The following ARHGAP23 variants were observed in gnomAD, a reference collection of about 807,000 sequenced individuals.
ARHGAP23 encodes the protein Rho GTPase activating protein 23.
Under a neutral mutation model 136.3 loss-of-function variants are expected in ARHGAP23, and 34 were observed. The observed-to-expected ratio is 0.25, with a 90% CI of 0.19 to 0.33. The LOEUF (loss-of-function observed/expected upper bound fraction) is 0.33, where lower values mean the gene tolerates loss of function less well. Ranked by LOEUF, ARHGAP23 falls within the 10% of genes least tolerant of loss-of-function variation. The pLI is 1.00. For missense variants in ARHGAP23, 1,808 were observed against 2,139.0 expected, an observed-to-expected ratio of 0.85 and a Z score of 3.05; for synonymous variants, 832 against 920.5, an observed-to-expected ratio of 0.90 and a Z score of 1.74.
rs1246840458 is a variant in ARHGAP23, at chr17:38,511,651, C to G, written c.*679C>G. 1 of 152,232 alleles carries G rather than the reference C, an allele frequency of 6.6e-6. No individual in the cohort carries two copies. The highest frequency in any genetic ancestry group is 1.5e-5 in the Non-Finnish European group (1 of 68,108). 9.4% of individuals were successfully genotyped at this position (152,232 alleles called of 1,614,324 possible). A position where few individuals can be genotyped will look rare whatever the true frequency, so the allele number is the denominator to read the frequency against. ...ATTCCAAGGAGGCAGGACTGAAACC[C>G]TCACCAGGGTTACTCCCCAACATCC... On this transcript the variant is annotated 3_prime_UTR_variant, in exon 24 of 24. Coordinates refer to ENST00000622683, the MANE Select transcript of ARHGAP23 (RefSeq NM_001199417.2).
rs11658074 is a variant in ARHGAP23, at chr17:38,493,742, C to T, written c.3276+2210C>T. On this transcript the variant is annotated intron_variant, in intron 20 of 23. Transcript: ENST00000622683. ...AGACCAGTCTTCAGGTCGGAAAGAG[C>T]GTGGCAACTGAGGGGTAAAGAGGAA... is the stretch of plus-strand genomic sequence containing the variant. Among the ~76,000 whole-genome samples, 112 of 152,184 alleles carry T rather than the reference C, an allele frequency of 7.4e-4. 1 individual carries two copies. The highest frequency in any genetic ancestry group is 6.8e-3 in the Middle Eastern group (2 of 292).
chr17:38,437,142 T>C (rs1217643435), intron 1 of ARHGAP23, among the ~76,000 whole-genome samples: 3 of 151,700 alleles, frequency 2.0e-5, no homozygotes, highest in Non-Finnish European at 4.4e-5. Flanking sequence ...GGGCCAGGCA[T>C]GGTGGCTCAC....
At position 38,466,375 on chromosome 17, in the gene ARHGAP23, G is replaced by C; in HGVS notation, c.692G>C (p.Arg231Pro). The C allele has an allele frequency of 6.5e-7, 1 of 1,536,688 alleles. No individual in the cohort carries two copies. The highest frequency in any genetic ancestry group is 8.7e-7 in the Non-Finnish European group (1 of 1,143,034). The change falls in exon 7 of 24, where the codon CGT becomes CCT. Residue 231 changes from arginine to proline, a missense_variant. Arg to Pro is a moderately radical substitution (Grantham distance 103). This residue lies in a region of ARHGAP23 where 859 missense variants were observed against 936.4 expected (regional missense o/e 0.92). Coordinates refer to ENST00000622683, the MANE Select transcript of ARHGAP23 (RefSeq NM_001199417.2). ...SPAAWSDPGL[R>P]VPPAARAHLD... ...GCTGCCTGGAGTGACCCGGGGCTCC[G>C]TGTGCCACCTGCTGCCCGTGCCCAC... is the stretch of plus-strand genomic sequence containing the variant.
In ARHGAP23 at chr17:38,509,928, C is replaced by T; in HGVS notation, c.3448-16C>T. On this transcript the variant is annotated splice_polypyrimidine_tract_variant and intron_variant, in intron 23 of 23. Transcript: ENST00000622683. ...AGTCCGGGCGCCCCCCGCATCCTGA[C>T]CTGTCTCCCACACAGGGTTCGTGGG... is the stretch of plus-strand genomic sequence containing the variant. The T allele has an allele frequency of 8.0e-7, 1 of 1,246,894 alleles. No homozygotes were observed. The highest frequency in any genetic ancestry group is 1.0e-6 in the Non-Finnish European group (1 of 989,398). 77.2% of individuals were successfully genotyped at this position (1,246,894 alleles called of 1,614,324 possible).
chr17:38,429,154 G>T (rs866797843), intron 1 of ARHGAP23, among the ~76,000 whole-genome samples: 4 of 152,228 alleles, frequency 2.6e-5, no homozygotes, highest in African/African-American at 4.8e-5. Context: ...GGGCTCTGCC[G>T]GCGAGGCTGC....
chr17:38,419,752 C>T (rs139101587), intron 1 of ARHGAP23, among the ~76,000 whole-genome samples: 7 of 152,154 alleles, frequency 4.6e-5, no homozygotes, highest in Non-Finnish European at 8.8e-5. Context: ...GCTCCCTGAA[C>T]CCAGGCCCAA....
intron 1 of ARHGAP23, among the ~76,000 whole-genome samples, chr17:38,432,499 G>C (rs1054756236): frequency 1.3e-5 from 2 of 152,144 alleles, no homozygotes; most frequent in Non-Finnish European, 2.9e-5. Context: ...GGCCAACATG[G>C]TGAAACACTG....
At chr17:38,500,500 T>G in intron 22 of ARHGAP23, 97 bp from the exon 23 acceptor site, 1 of 1,118,122 alleles carries the variant, frequency 8.9e-7, no homozygotes, top group South Asian at 1.3e-5. Flanking sequence ...ATTCCCTGGT[T>G]TCTGAAGCCT....
chr17:38,445,292 C>T (rs1405529967), intron 1 of ARHGAP23, among the ~76,000 whole-genome samples: 1 of 138,316 alleles, frequency 7.2e-6, no homozygotes, highest in Non-Finnish European at 1.5e-5. Flanking sequence ...CAGTGAAACC[C>T]TGTCTCTACT....
intron 1 of ARHGAP23, among the ~76,000 whole-genome samples, chr17:38,445,347 C>T (rs1435041190): frequency 3.3e-5 from 5 of 149,442 alleles, no homozygotes; most frequent in East Asian, 2.0e-4. Flanking sequence ...CATGGTGGCT[C>T]GCATCTGTAG....
chr17:38,472,073 A>T (rs2039773768), intron 11 of ARHGAP23, 67 bp downstream of exon 11: 1 of 1,352,260 alleles, frequency 7.4e-7, no homozygotes, highest in African/African-American at 1.5e-5. Flanking sequence ...TCCTAGGCCT[A>T]CCCTGACAGC....
intron 19 of ARHGAP23, among the ~76,000 whole-genome samples, chr17:38,491,104 C>T (rs2040269267): frequency 6.6e-6 from 1 of 152,162 alleles, no homozygotes; most frequent in Non-Finnish European, 1.5e-5. Context: ...CTAAAATAAC[C>T]CCTGGGACCT....
At chr17:38,498,930 A>G in intron 22 of ARHGAP23, 1 of 478,610 alleles carries the variant, frequency 2.1e-6, no homozygotes, top group South Asian at 1.6e-5. Context: ...CCCCTCCTCC[A>G]GCGGACCTGT....
intron 1 of ARHGAP23, among the ~76,000 whole-genome samples, chr17:38,452,850 G>C (rs1377008366): frequency 6.6e-6 from 1 of 152,212 alleles, no homozygotes; most frequent in African/African-American, 2.4e-5. Context: ...CATGCCAGGG[G>C]GTGGGAGAGG....
At chr17:38,468,419 G>A (rs2039665034) in intron 7 of ARHGAP23, among the ~76,000 whole-genome samples, 1 of 152,152 alleles carries the variant, frequency 6.6e-6, no homozygotes, top group African/African-American at 2.4e-5. Context: ...TTGAATATGA[G>A]GTGTCCAAGA....
chr17:38,443,407 C>G (rs895706996), intron 1 of ARHGAP23, among the ~76,000 whole-genome samples: 3 of 152,160 alleles, frequency 2.0e-5, no homozygotes, highest in Admixed American at 1.3e-4. Flanking sequence ...TATCCTGTCC[C>G]CAAATGTGGG....
intron 1 of ARHGAP23, among the ~76,000 whole-genome samples, chr17:38,447,453 A>AAAAAAAAAAAAAG (rs2039061012): frequency 1.3e-5 from 2 of 150,864 alleles, no homozygotes; most frequent in East Asian, 3.9e-4. Flanking sequence ...AAAAAAAAAA[A>AAAAAAAAAAAAAG]AAAAAAAAAA....
chr17:38,492,707 G>A (rs1032831654), intron 20 of ARHGAP23, among the ~76,000 whole-genome samples: 16 of 152,218 alleles, frequency 1.1e-4, no homozygotes, highest in Non-Finnish European at 2.4e-4. Flanking sequence ...TGCATGCTCA[G>A]GGCTCCGAGC....
At chr17:38,495,507 A>G (rs1358038645) in intron 20 of ARHGAP23, among the ~76,000 whole-genome samples, 1 of 152,102 alleles carries the variant, frequency 6.6e-6, no homozygotes, top group African/African-American at 2.4e-5. Flanking sequence ...TGCTGGGACT[A>G]TAGGTGTGAG....
Sources: allele counts gnomAD v4.1 joint callset (sites outside exome capture counted in the v4.1 genomes callset), GRCh38; gene constraint gnomAD v4.1.1; regional missense constraint gnomAD v4.1.1; transcripts MANE v1.5; gene names NCBI Gene and HGNC (gene_info 2026-07-23, HGNC 2026-07-21).